Variants in CAMKMT observed in about 807,000 individuals in gnomAD.
CAMKMT encodes calmodulin-lysine N-methyltransferase, also known as CaM KMT.
In CAMKMT, 53 loss-of-function variants were observed where a neutral mutation model predicts 48.0. The observed-to-expected ratio is 1.10, with a 90% CI of 0.89 to 1.39. CAMKMT has a LOEUF of 1.39. Among genes scored for constraint, CAMKMT ranks in the 40% most tolerant of loss-of-function variants. CAMKMT has a pLI of 0.00. For synonymous variants in CAMKMT, 165 were observed against 152.3 expected, an observed-to-expected ratio of 1.08 and a Z score of -0.61; for missense variants, 428 against 402.7, an observed-to-expected ratio of 1.06 and a Z score of -0.54.
At chr2:44,725,721 T>C (rs1030304380) in intron 7 of CAMKMT, among the ~76,000 whole-genome samples, 1 of 151,992 alleles carries the variant, frequency 6.6e-6, no homozygotes, top group African/African-American at 2.4e-5. Flanking sequence ...TTGTGATAAA[T>C]AGAGAGAGGC....
Position 44,470,468 on chromosome 2 carries a change from T to C in CAMKMT, c.376+80163T>C, listed in dbSNP as rs1001071003. Among the ~76,000 whole-genome samples, 7 of 148,016 alleles carry C rather than the reference T, an allele frequency of 4.7e-5. No individual in the cohort carries two copies. The Admixed American group carries it at 4.9e-4, about 10-fold the overall frequency. ...TTGGCCCTCCATGCTTCTCAAGGAA[T>C]ACCTTGGAAGGAGTTTACAATTTGG... is the stretch of plus-strand genomic sequence containing the variant. On this transcript the variant is annotated intron_variant, in intron 3 of 10. Transcript: ENST00000378494.
intron 7 of CAMKMT, among the ~76,000 whole-genome samples, chr2:44,738,274 G>C (rs1270664418): frequency 1.3e-5 from 2 of 152,166 alleles, no homozygotes; most frequent in Non-Finnish European, 2.9e-5. Context: ...ATTTATTTCT[G>C]TCTTCTTAAG....
chr2:44,381,991 G>A (rs1317648190), intron 2 of CAMKMT, among the ~76,000 whole-genome samples: 2 of 147,998 alleles, frequency 1.4e-5, no homozygotes, highest in South Asian at 2.1e-4. Context: ...ACCCAGGCTG[G>A]AATGCAATGG....
rs59281575 is a variant in CAMKMT at position 44,708,211 on chromosome 2, ATTTTTTTT to A, written c.556+767_556+774del. Among the ~76,000 whole-genome samples the A allele has an allele frequency of 1.4e-3, 95 of 68,216 alleles. 1 individual carries two copies. Among genetic ancestry groups the A allele is most frequent in the African/African-American group, 4.7e-4 (8 of 17,126 alleles). The allele number at this position is 68,216 out of a possible 152,430, so 44.8% of individuals were successfully genotyped here. A position where few individuals can be genotyped will look rare whatever the true frequency, so the allele number is the denominator to read the frequency against. ...AAAGTGGCAGATATGTTTGCTTTGG[ATTTTTTTT>A]TTTTTTTTTTTTTTTTTGGTGTGCC... On this transcript the variant is annotated intron_variant, in intron 6 of 10. Transcript: ENST00000378494.
At chr2:44,490,348 TCACCA>T (rs1669430779) in intron 3 of CAMKMT, among the ~76,000 whole-genome samples, 1 of 152,198 alleles carries the variant, frequency 6.6e-6, no homozygotes, top group South Asian at 2.1e-4. Context: ...CGATCTTGGC[TCACCA>T]CAACCTCCGC....
chr2:44,409,071 A>C (rs1682981735), intron 3 of CAMKMT, among the ~76,000 whole-genome samples: 1 of 121,722 alleles, frequency 8.2e-6, no homozygotes, highest in Non-Finnish European at 1.8e-5. Context: ...TTTAGTTGTT[A>C]TTTCAGCCGA....
At chr2:44,617,820 A>G (rs1353082196) in intron 3 of CAMKMT, among the ~76,000 whole-genome samples, 1 of 152,220 alleles carries the variant, frequency 6.6e-6, no homozygotes. Context: ...TGGACAACAG[A>G]TTACTTTGTT....
At chr2:44,616,555 G>C (rs183318263) in intron 3 of CAMKMT, among the ~76,000 whole-genome samples, 1 of 151,536 alleles carries the variant, frequency 6.6e-6, no homozygotes, top group East Asian at 1.9e-4. Flanking sequence ...TGATTCACCA[G>C]AAAAGGTGAT....
At chr2:44,496,534 G>GTACGTATGCCTTA in intron 3 of CAMKMT, among the ~76,000 whole-genome samples, 1 of 152,294 alleles carries the variant, frequency 6.6e-6, no homozygotes, top group Admixed American at 6.5e-5. Flanking sequence ...TAGGTGACTT[G>GTACGTATGCCTTA]TACGTATGCC....
At chr2:44,634,347 T>G (rs1418457135) in intron 3 of CAMKMT, among the ~76,000 whole-genome samples, 1 of 151,886 alleles carries the variant, frequency 6.6e-6, no homozygotes, top group East Asian at 1.9e-4. Flanking sequence ...TTCACTTGTT[T>G]CCCTTTTCTC....
chr2:44,511,141 C>T (rs1395190302), intron 3 of CAMKMT, among the ~76,000 whole-genome samples: 1 of 150,828 alleles, frequency 6.6e-6, no homozygotes, highest in African/African-American at 2.4e-5. Context: ...GTGCCTGGCC[C>T]ATTATATCAA....
chr2:44,384,041 G>A (rs1421648956), intron 2 of CAMKMT, among the ~76,000 whole-genome samples: 2 of 152,262 alleles, frequency 1.3e-5, no homozygotes, highest in South Asian at 4.1e-4. Flanking sequence ...GTTCTTTAAG[G>A]AATCTCCACA....
chr2:44,516,502 C>G (rs1297929945), intron 3 of CAMKMT, among the ~76,000 whole-genome samples: 1 of 151,944 alleles, frequency 6.6e-6, no homozygotes, highest in African/African-American at 2.4e-5. Flanking sequence ...AATTTTGTCC[C>G]TCTCTAAATA....
At chr2:44,520,008 G>A (rs1281861617) in intron 3 of CAMKMT, among the ~76,000 whole-genome samples, 4 of 149,774 alleles carry the variant, frequency 2.7e-5, no homozygotes, top group East Asian at 2.0e-4. Context: ...TCAGGAGATC[G>A]AAACCATCCT....
At chr2:44,583,622 T>G (rs898292785) in intron 3 of CAMKMT, among the ~76,000 whole-genome samples, 1 of 151,672 alleles carries the variant, frequency 6.6e-6, no homozygotes, top group African/African-American at 2.4e-5. Context: ...CATAGGGAGA[T>G]TCTGTCTCTA....
At chr2:44,419,221 G>A (rs970864566) in intron 3 of CAMKMT, among the ~76,000 whole-genome samples, 2 of 152,198 alleles carry the variant, frequency 1.3e-5, no homozygotes, top group African/African-American at 2.4e-5. Context: ...GTACCACTTA[G>A]ATGCACTTAG....
In CAMKMT at chr2:44,693,239, T is replaced by C. The variant is rs536984174; in HGVS notation, c.377-11044T>C. On this transcript the variant is annotated intron_variant, in intron 3 of 10. Transcript: ENST00000378494. ...AGCCAGAATTATCTTCTAAACAGTATTATAAATCTGGTCATACCACGATGC... is the reference window on the plus strand; with the variant it reads ...AGCCAGAATTATCTTCTAAACAGTACTATAAATCTGGTCATACCACGATGC... Among the ~76,000 whole-genome samples, 7 of 152,306 alleles carry C rather than the reference T, an allele frequency of 4.6e-5. No individual in the cohort carries two copies. In the South Asian group the frequency reaches 1.2e-3, roughly 27 times the overall value.
intron 3 of CAMKMT, among the ~76,000 whole-genome samples, chr2:44,443,375 T>C (rs1666788460): frequency 1.3e-5 from 2 of 152,196 alleles, no homozygotes; most frequent in Non-Finnish European, 2.9e-5. Context: ...TTTTTTATAT[T>C]GAATATTACT....
intron 3 of CAMKMT, among the ~76,000 whole-genome samples, chr2:44,444,201 C>G (rs185986346): frequency 7.7e-4 from 117 of 152,222 alleles, no homozygotes; most frequent in African/African-American, 2.7e-3. Context: ...GTGTTGGATA[C>G]CATAGGAGAT....
Sources: allele counts gnomAD v4.1 joint callset (sites outside exome capture counted in the v4.1 genomes callset), GRCh38; gene constraint gnomAD v4.1.1; transcripts MANE v1.5; gene names NCBI Gene and HGNC (gene_info 2026-07-23, HGNC 2026-07-21).